PADI6: variants seen among roughly 807,000 people sequenced by gnomAD.
PADI6 encodes inactive protein-arginine deiminase type-6.
Under a neutral mutation model 78.2 loss-of-function variants are expected in PADI6, and 66 were observed. The ratio of observed to expected loss-of-function variants is 0.84; its 90% CI spans 0.69 to 1.04. The LOEUF (loss-of-function observed/expected upper bound fraction) is 1.04. Ranked by LOEUF, PADI6 falls within the 50% of genes least tolerant of loss-of-function variation. PADI6 has a pLI of 0.00. For missense variants in PADI6, 854 were observed against 866.1 expected, an observed-to-expected ratio of 0.99 and a Z score of 0.18; for synonymous variants, 397 against 346.9, an observed-to-expected ratio of 1.14 and a Z score of -1.60.
intron 3 of PADI6, among the ~76,000 whole-genome samples, chr1:17,377,794 G>T (rs770752987): frequency 7.9e-5 from 12 of 152,184 alleles, no homozygotes; most frequent in Non-Finnish European, 1.2e-4. Flanking sequence ...TCCCAGTGGG[G>T]TTCATGCTGG....
chr1:17,401,514 C>T lies in PADI6; in HGVS notation c.*76C>T. ...CACCATGCAACAGCATGATTCTTTG[C>T]CCAGTAGAGGAGGCTGGAGAGTCCA... On this transcript the variant is annotated 3_prime_UTR_variant, in exon 16 of 16. Transcript: ENST00000619609. 2 of 1,334,044 alleles carry T rather than the reference C, an allele frequency of 1.5e-6. No individual in the cohort carries two copies. The highest frequency in any genetic ancestry group is 2.6e-5 in the South Asian group (2 of 76,702). 82.6% of individuals were successfully genotyped at this position (1,334,044 alleles called of 1,614,324 possible). A position where few individuals can be genotyped will look rare whatever the true frequency, so the allele number is the denominator to read the frequency against.
chr1:17,395,071 C>CT lies in PADI6; in HGVS notation c.1460dup (p.Ile488HisfsTer5), dbSNP rs770481154. On this transcript the variant is annotated frameshift_variant, in exon 12 of 16. Transcript: ENST00000619609. LOFTEE classifies it high-confidence loss of function. ...CTGGCCACGTGGATGAGTTCATGTG[C>CT]TTCATCCCCACAGATGACAAGAATG... The CT allele has an allele frequency of 6.2e-7, 1 of 1,614,040 alleles. No homozygotes were observed. The highest frequency in any genetic ancestry group is 8.5e-7 in the Non-Finnish European group (1 of 1,179,926).
chr1:17,388,359 C>T (rs754627557), intron 6 of PADI6, 22 bp from the exon 7 acceptor site: 1 of 1,588,932 alleles, frequency 6.3e-7, no homozygotes, highest in Non-Finnish European at 8.6e-7. Flanking sequence ...AGTGGCTGGT[C>T]CATCCCTTCT....
intron 6 of PADI6, among the ~76,000 whole-genome samples, chr1:17,384,472 G>GT (rs1325575156): frequency 2.0e-5 from 3 of 149,948 alleles, no homozygotes; most frequent in African/African-American, 7.4e-5. Context: ...AGGCGTGGTG[G>GT]TTCATGCCTT....
In PADI6 at chr1:17,373,056, G is replaced by T; in HGVS notation, c.117G>T (p.Gly39=). 1 of 1,613,210 alleles carries T rather than the reference G, an allele frequency of 6.2e-7. No homozygotes were observed. Among genetic ancestry groups the T allele is most frequent in the East Asian group, 2.2e-5 (1 of 44,866 alleles). ...GCGTGTCTCTTACCGGGCAAACCAG[G>T]TGTGCCCCCCAGAAGTGCCAGTGCT... The part of the protein sequence containing the change: ...LGTEICLDLS[G]CAPQKCQCFT... Residue 39 remains glycine, a splice_region_variant and synonymous_variant, in exon 2 of 16, where the codon GGG becomes GGT. Transcript: ENST00000619609.
At chr1:17,379,090 A>G (rs1204901) in intron 3 of PADI6, among the ~76,000 whole-genome samples, 94,590 of 145,162 alleles carry the variant, frequency 0.65, 31,815 homozygotes, top group African/African-American at 0.83. Context: ...GACTACAGGT[A>G]CCCTCCACCA....
In PADI6 at chr1:17,398,932, A is replaced by G. The variant is rs924859059; in HGVS notation, c.1851+85A>G. 2.9e-6 allele frequency: 4 copies of G among 1,391,960 alleles called. No individual in the cohort carries two copies. The South Asian group carries it at 5.1e-5, about 18-fold the overall frequency. The allele number at this position is 1,391,960 out of a possible 1,614,324, so 86.2% of individuals were successfully genotyped here. A position where few individuals can be genotyped will look rare whatever the true frequency, so the allele number is the denominator to read the frequency against. ...CACCTCACTGTGCTGGACTGCAGATATGGTGGACAGCAGATAACGGTACCT... is the reference window on the plus strand; with the variant it reads ...CACCTCACTGTGCTGGACTGCAGATGTGGTGGACAGCAGATAACGGTACCT... On this transcript the variant is annotated intron_variant, in intron 15 of 15. Transcript: ENST00000619609.
Position 17,395,638 on chromosome 1 carries a change from T to C in PADI6, c.1593T>C (p.Leu531=). 6.2e-7 allele frequency: 1 copy of C among 1,611,524 alleles called. No individual in the cohort carries two copies. The highest frequency in any genetic ancestry group is 8.5e-7 in the Non-Finnish European group (1 of 1,178,968). ...GYGDALLFDE[L]RADQLLSNGR... is the part of the protein sequence containing the mutation. Reference sequence around the variant, plus strand: ...GCGACGCTCTTCTGTTTGATGAGCTTAGAGCAGATCAGCTCCTGTCTAATG... The same window carrying C: ...GCGACGCTCTTCTGTTTGATGAGCTCAGAGCAGATCAGCTCCTGTCTAATG... The change falls in exon 13 of 16, where the codon CTT becomes CTC. Residue 531 remains leucine (L), a synonymous_variant. Transcript: ENST00000619609.
intron 6 of PADI6, among the ~76,000 whole-genome samples, chr1:17,383,337 C>T (rs577583923): frequency 7.2e-5 from 11 of 152,306 alleles, no homozygotes; most frequent in East Asian, 1.9e-4. Flanking sequence ...CCAGCTTGGA[C>T]GTGGCCATCT....
At chr1:17,373,318 G>A (rs1156438761) in intron 2 of PADI6, 85 bp downstream of exon 2, 11 of 1,487,774 alleles carry the variant, frequency 7.4e-6, no homozygotes, top group Non-Finnish European at 1.0e-5. Flanking sequence ...CTGCAGACGT[G>A]ACTCGAGCCT....
intron 6 of PADI6, among the ~76,000 whole-genome samples, chr1:17,384,450 A>G (rs2075101845): frequency 6.6e-6 from 1 of 152,022 alleles, no homozygotes; most frequent in Non-Finnish European, 1.5e-5. Flanking sequence ...ATTTTTATAA[A>G]GAAGCCTGGC....
Position 17,395,095 on chromosome 1 carries a change from T to A in PADI6, c.1482T>A (p.Asn494Lys), listed in dbSNP as rs1317894747. 3.1e-6 allele frequency: 5 copies of A among 1,613,534 alleles called. No homozygotes were observed. The highest frequency in any genetic ancestry group is 4.2e-6 in the Non-Finnish European group (5 of 1,179,700). ...FMCFIPTDDK[N>K]EGKKGFLLLL... ...GCTTCATCCCCACAGATGACAAGAA[T>A]GAGGGCAAAAAGGTCTGCTTTGGGG... Residue 494 changes from asparagine to lysine, a missense_variant, in exon 12 of 16, where the codon AAT (asparagine) becomes AAA (lysine). Asn to Lys is a moderately conservative substitution (Grantham distance 94, BLOSUM62 0). Transcript: ENST00000619609.
chr1:17,398,963 GAAAT>G (rs2075274738), intron 15 of PADI6, 116 bp downstream of exon 15: 4 of 1,150,346 alleles, frequency 3.5e-6, no homozygotes, highest in Non-Finnish European at 4.9e-6. Flanking sequence ...TACCTATGAG[GAAAT>G]GGGAGGGAGA....
intron 8 of PADI6, among the ~76,000 whole-genome samples, chr1:17,391,355 G>A (rs1286638515): frequency 1.3e-5 from 2 of 152,196 alleles, no homozygotes; most frequent in African/African-American, 4.8e-5. Flanking sequence ...GAGAAGCTGG[G>A]ATTACAGGCA....
At chr1:17,372,499 T>C (rs924615996) in intron 1 of PADI6, 138 bp downstream of exon 1, 5 of 791,124 alleles carry the variant, frequency 6.3e-6, no homozygotes, top group Non-Finnish European at 1.0e-5. Context: ...CTTGGGTCTC[T>C]AGTGGGGGGC....
In PADI6 at chr1:17,394,137, C is replaced by T. The variant is rs2075221014; in HGVS notation, c.1182+55C>T. ...TCAGTCCAATCTCTCAGGCCTGGGG[C>T]CTGCCTAGAAATAATGGGGCACCAA... On this transcript the variant is annotated intron_variant, in intron 10 of 15. Coordinates refer to ENST00000619609, the MANE Select transcript of PADI6 (RefSeq NM_207421.4). 1.4e-5 allele frequency: 22 copies of T among 1,581,630 alleles called. 1 individual carries two copies. In the South Asian group the frequency reaches 2.3e-4, roughly 17 times the overall value.
chr1:17,379,952 G>T lies in PADI6; in HGVS notation c.400G>T (p.Gly134Trp). The change falls in exon 4 of 16, where the codon GGG becomes TGG. Residue 134 changes from glycine (G) to tryptophan (W), a missense_variant. By Grantham distance (184) the Gly-to-Trp change is radical. Transcript: ENST00000619609. Reference sequence around the variant, plus strand: ...TCTAGAGGTAGACATCTACCGCAATGGGCAAGTTGAGATGTCAAGTGACAA... The same window carrying T: ...TCTAGAGGTAGACATCTACCGCAATTGGCAAGTTGAGATGTCAAGTGACAA... The part of the protein sequence containing the change: ...VSLEVDIYRN[G>W]QVEMSSDKQA... The T allele has an allele frequency of 6.2e-7, 1 of 1,613,538 alleles. No homozygotes were observed. The highest frequency in any genetic ancestry group is 1.1e-5 in the South Asian group (1 of 91,042).
chr1:17,372,437 G>A, intron 1 of PADI6, 76 bp downstream of exon 1: 2 of 1,354,650 alleles, frequency 1.5e-6, no homozygotes, highest in Admixed American at 3.4e-5. Flanking sequence ...CCTTGATCTG[G>A]GAGTTGGGGG....
At chr1:17,399,742 A>G (rs569070826) in intron 15 of PADI6, among the ~76,000 whole-genome samples, 398 of 151,322 alleles carry the variant, frequency 2.6e-3, no homozygotes, top group African/African-American at 9.0e-3. Context: ...AAAAAAGAAA[A>G]AAAAAATGCT....
Sources: gnomAD v4.1 joint callset for allele counts (sites outside exome capture counted in the v4.1 genomes callset) on GRCh38, gnomAD v4.1.1 for gene constraint, MANE v1.5 for transcripts, NCBI Gene and HGNC (gene_info 2026-07-23, HGNC 2026-07-21) for gene names.